Variants in FAM13A observed in about 807,000 individuals in gnomAD.
FAM13A encodes family with sequence similarity 13 member A, also known as protein FAM13A.
A neutral mutation model predicts 129.6 loss-of-function variants in FAM13A; 76 were observed. The ratio of observed to expected loss-of-function variants is 0.59; its 90% CI spans 0.49 to 0.71. The LOEUF (loss-of-function observed/expected upper bound fraction) is 0.71. Among genes scored for constraint, FAM13A ranks in the 30% least tolerant of loss-of-function variants. FAM13A has a pLI of 0.00. For missense variants in FAM13A, 1,108 were observed against 1,249.3 expected (o/e 0.89, Z 1.70); for synonymous variants, 443 against 449.9 (o/e 0.98, Z 0.20).
chr4:88,924,881 A>C (rs1303949152), intron 5 of FAM13A, among the ~76,000 whole-genome samples: 4 of 151,828 alleles, frequency 2.6e-5, no homozygotes, highest in South Asian at 4.2e-4. Context: ...AACCCCATCA[A>C]AAAGTGGGCA....
At chr4:88,744,988 T>C (rs1304055058) in intron 19 of FAM13A, among the ~76,000 whole-genome samples, 1 of 152,190 alleles carries the variant, frequency 6.6e-6, no homozygotes, top group Admixed American at 6.5e-5. Context: ...AAGAGAGCTA[T>C]GAAATGCACA....
intron 6 of FAM13A, among the ~76,000 whole-genome samples, chr4:88,854,492 T>C (rs1188677250): frequency 6.6e-6 from 1 of 152,258 alleles, no homozygotes; most frequent in Non-Finnish European, 1.5e-5. Flanking sequence ...ACTGTAGTTA[T>C]AACTGACATC....
chr4:88,995,579 G>A (rs944435661), intron 3 of FAM13A, among the ~76,000 whole-genome samples: 2 of 152,108 alleles, frequency 1.3e-5, no homozygotes, highest in African/African-American at 4.8e-5. Flanking sequence ...ACCCACTCTT[G>A]GACCCTTGTA....
intron 5 of FAM13A, among the ~76,000 whole-genome samples, chr4:88,936,084 G>C (rs1256224244): frequency 6.6e-6 from 1 of 152,096 alleles, no homozygotes; most frequent in East Asian, 1.9e-4. Context: ...TAAGACATCT[G>C]TATTTGGCTC....
At chr4:88,944,992 G>A (rs1234643105) in intron 4 of FAM13A, among the ~76,000 whole-genome samples, 2 of 151,964 alleles carry the variant, frequency 1.3e-5, no homozygotes, top group African/African-American at 4.8e-5. Context: ...TATTCTTGCT[G>A]CACTTATGTA....
At chr4:88,913,960 G>A (rs1372430961) in intron 5 of FAM13A, among the ~76,000 whole-genome samples, 1 of 151,310 alleles carries the variant, frequency 6.6e-6, no homozygotes, top group East Asian at 1.9e-4. Context: ...CCAAGATCAT[G>A]CCATTGCACT....
chr4:88,965,876 T>C (rs912457887), intron 4 of FAM13A, among the ~76,000 whole-genome samples: 1 of 152,208 alleles, frequency 6.6e-6, no homozygotes, highest in African/African-American at 2.4e-5. Context: ...GTCCATGTTG[T>C]AGTATGTGAC....
chr4:89,007,593 A>C (rs1439595252), intron 3 of FAM13A, among the ~76,000 whole-genome samples: 1 of 152,208 alleles, frequency 6.6e-6, no homozygotes, highest in Non-Finnish European at 1.5e-5. Flanking sequence ...AAACTGTGAG[A>C]GAAGATACAT....
chr4:88,952,342 A>T (rs955252633), intron 4 of FAM13A, among the ~76,000 whole-genome samples: 10 of 151,958 alleles, frequency 6.6e-5, no homozygotes, highest in Admixed American at 5.9e-4. Flanking sequence ...TGCCTCCTTC[A>T]TTGCTATAGT....
chr4:88,892,850 A>G (rs978262823), intron 6 of FAM13A, among the ~76,000 whole-genome samples: 2 of 152,198 alleles, frequency 1.3e-5, no homozygotes, highest in Non-Finnish European at 2.9e-5. Flanking sequence ...TTTTGCTGAT[A>G]TTACATTATT....
At chr4:88,872,101 A>G (rs1741514586) in intron 6 of FAM13A, among the ~76,000 whole-genome samples, 1 of 152,212 alleles carries the variant, frequency 6.6e-6, no homozygotes, top group Non-Finnish European at 1.5e-5. Flanking sequence ...AGGCTGAGAG[A>G]TTTTGTCACC....
intron 11 of FAM13A, among the ~76,000 whole-genome samples, chr4:88,780,944 A>G (rs7677602): frequency 0.74 from 111,944 of 151,780 alleles, 42,025 homozygotes; most frequent in Non-Finnish European, 0.83. Context: ...GGAAATCAGA[A>G]TGTGTGGTGT....
intron 21 of FAM13A, among the ~76,000 whole-genome samples, 153 bp downstream of exon 21, chr4:88,737,319 G>A (rs908275364): frequency 6.6e-6 from 1 of 152,190 alleles, no homozygotes. Flanking sequence ...ACTGTTCAAA[G>A]TTGGTTATAT....
intron 4 of FAM13A, among the ~76,000 whole-genome samples, chr4:88,954,881 G>T (rs13135897): frequency 0.33 from 44,707 of 134,754 alleles, 6,827 homozygotes; most frequent in Admixed American, 0.39. Context: ...GCAAGACTTC[G>T]TCTCAAAAAA....
intron 7 of FAM13A, among the ~76,000 whole-genome samples, chr4:88,831,439 T>C (rs937703504): frequency 6.6e-6 from 1 of 152,202 alleles, no homozygotes; most frequent in Non-Finnish European, 1.5e-5. Context: ...ACTGACTGGC[T>C]GATTCTATGT....
intron 7 of FAM13A, among the ~76,000 whole-genome samples, chr4:88,814,440 A>G (rs1366699853): frequency 6.6e-6 from 1 of 152,184 alleles, no homozygotes; most frequent in Non-Finnish European, 1.5e-5. Flanking sequence ...GGGAGAATTA[A>G]TAACTCGGCA....
At chr4:88,980,064 C>A (rs61064708) in intron 4 of FAM13A, among the ~76,000 whole-genome samples, 1 of 152,114 alleles carries the variant, frequency 6.6e-6, no homozygotes, top group Admixed American at 6.5e-5. Context: ...GCTATGCTGT[C>A]GTTAAAAATG....
chr4:88,970,572 TAATA>T (rs1579556697), intron 4 of FAM13A, among the ~76,000 whole-genome samples: 2 of 151,648 alleles, frequency 1.3e-5, no homozygotes, highest in South Asian at 2.1e-4. Context: ...ATTTTAGCCT[TAATA>T]AATTTCAAAA....
At position 88,851,189 on chromosome 4, in the gene FAM13A, AG is replaced by A; in HGVS notation, c.844-7del. ...TCACTCCTGGATTTTGGGATCTAGA[AG>A]AAAAAAAAAAGAGGGGTGGGGGAGA... is the stretch of plus-strand genomic sequence containing the variant. On this transcript the variant is annotated splice_region_variant and splice_polypyrimidine_tract_variant and intron_variant, in intron 6 of 23. Transcript: ENST00000264344. 1 of 1,571,222 alleles carries A rather than the reference AG, an allele frequency of 6.4e-7. No individual in the cohort carries two copies. The highest frequency in any genetic ancestry group is 8.7e-7 in the Non-Finnish European group (1 of 1,154,082).
Sources: gnomAD v4.1 joint callset for allele counts (sites outside exome capture counted in the v4.1 genomes callset) on GRCh38, gnomAD v4.1.1 for gene constraint, MANE v1.5 for transcripts, NCBI Gene and HGNC (gene_info 2026-07-23, HGNC 2026-07-21) for gene names.